Variants in EFCAB13 observed in about 807,000 individuals in gnomAD.
The protein encoded by EFCAB13 is EF-hand calcium binding domain 13.
A neutral mutation model predicts 110.2 loss-of-function variants in EFCAB13; 91 were observed. The ratio of observed to expected loss-of-function variants is 0.83; its 90% CI spans 0.70 to 0.98. The LOEUF (loss-of-function observed/expected upper bound fraction) is 0.98. EFCAB13 is among the 50% of genes least tolerant of loss of function. EFCAB13 has a pLI of 0.00. For synonymous variants in EFCAB13, 323 were observed against 369.9 expected (o/e 0.87, Z 1.45); for missense variants, 968 against 1,119.4 (o/e 0.86, Z 1.93).
chr17:47,335,480 G>T, intron 5 of EFCAB13, 124 bp downstream of exon 5: 1 of 734,356 alleles, frequency 1.4e-6, no homozygotes, highest in Non-Finnish European at 2.0e-6. Flanking sequence ...GCATATTTGT[G>T]GTCATTCTTT....
Position 47,428,215 on chromosome 17 carries a change from G to C in EFCAB13, c.2495-1603G>C, listed in dbSNP as rs182890188. On this transcript the variant is annotated intron_variant, in intron 23 of 24. Transcript: ENST00000331493. ...CAGTTTTATGTACTTTAGATGTTCT[G>C]ATTTGGATTGTTTCTCCCCTACACC... 3.3e-5 allele frequency among the ~76,000 whole-genome samples: 5 copies of C among 152,044 alleles called. No homozygotes were observed. In the East Asian group the frequency reaches 9.7e-4, roughly 29 times the overall value.
At chr17:47,413,507 G>A (rs1165174850) in intron 22 of EFCAB13, among the ~76,000 whole-genome samples, 1 of 151,926 alleles carries the variant, frequency 6.6e-6, no homozygotes, top group Non-Finnish European at 1.5e-5. Flanking sequence ...TTTTATTTTG[G>A]GCTTATCTTA....
intron 9 of EFCAB13, among the ~76,000 whole-genome samples, chr17:47,358,943 G>T (rs1422743292): frequency 6.6e-6 from 1 of 152,160 alleles, no homozygotes; most frequent in Non-Finnish European, 1.5e-5. Context: ...GAAACAAGTT[G>T]GTTCTGATAA....
Position 47,347,720 on chromosome 17 carries a change from A to G in EFCAB13, c.518-88A>G, listed in dbSNP as rs2065425442. On this transcript the variant is annotated intron_variant, in intron 8 of 24. Transcript: ENST00000331493. ...GAAAACACAGATTGGCTCCCTTTTT[A>G]GTGATTATTATTTTTTTGAGAGTGG... The G allele has an allele frequency of 3.8e-6, 4 of 1,056,630 alleles. No individual in the cohort carries two copies. The African/African-American group carries it at 4.9e-5, about 13-fold the overall frequency. The allele number at this position is 1,056,630 out of a possible 1,614,324, so 65.5% of individuals were successfully genotyped here. A position where few individuals can be genotyped will look rare whatever the true frequency, so the allele number is the denominator to read the frequency against.
intron 9 of EFCAB13, among the ~76,000 whole-genome samples, chr17:47,351,308 C>CGTGTGT (rs1277743561): frequency 7.5e-6 from 1 of 133,798 alleles, no homozygotes; most frequent in Middle Eastern, 3.7e-3. Context: ...TGTGTGTGCG[C>CGTGTGT]GCGCGCGCGC....
At chr17:47,346,443 C>CA (rs974395040) in intron 8 of EFCAB13, among the ~76,000 whole-genome samples, 1 of 140,426 alleles carries the variant, frequency 7.1e-6, no homozygotes, top group African/African-American at 2.6e-5. Context: ...ACCCCCCCCC[C>CA]CATTTATCTG....
intron 22 of EFCAB13, among the ~76,000 whole-genome samples, chr17:47,414,481 C>G (rs1443510226): frequency 1.3e-5 from 2 of 150,536 alleles, no homozygotes; most frequent in African/African-American, 4.9e-5. Context: ...CCACTGCACT[C>G]CAGCCTGGGC....
At chr17:47,423,899 G>C (rs939589770) in intron 23 of EFCAB13, among the ~76,000 whole-genome samples, 1 of 151,954 alleles carries the variant, frequency 6.6e-6, no homozygotes, top group Non-Finnish European at 1.5e-5. Context: ...GCTCCGGGAC[G>C]AGCTGCTGTT....
intron 11 of EFCAB13, 31 bp from the exon 12 acceptor site, chr17:47,374,441 A>G (rs751422331): frequency 7.0e-7 from 1 of 1,420,410 alleles, no homozygotes; most frequent in Non-Finnish European, 9.4e-7. Context: ...TATACAGGTA[A>G]ATGAAATAAT....
At chr17:47,399,328 C>T (rs1440775663) in intron 17 of EFCAB13, among the ~76,000 whole-genome samples, 1 of 152,172 alleles carries the variant, frequency 6.6e-6, no homozygotes, top group Non-Finnish European at 1.5e-5. Context: ...CGCCATTTGT[C>T]ATATCATTTC....
At chr17:47,337,338 A>G (rs1254722280) in intron 5 of EFCAB13, among the ~76,000 whole-genome samples, 1 of 152,202 alleles carries the variant, frequency 6.6e-6, no homozygotes, top group East Asian at 1.9e-4. Context: ...GGACATACAG[A>G]GTAGAATAAT....
intron 8 of EFCAB13, among the ~76,000 whole-genome samples, chr17:47,346,139 A>G (rs2065414456): frequency 2.0e-5 from 3 of 152,106 alleles, no homozygotes; most frequent in African/African-American, 7.2e-5. Context: ...ATTGTACAGT[A>G]TTTCTATAGA....
At chr17:47,408,160 C>A (rs1332356958) in intron 20 of EFCAB13, among the ~76,000 whole-genome samples, 1 of 152,140 alleles carries the variant, frequency 6.6e-6, no homozygotes, top group Non-Finnish European at 1.5e-5. Flanking sequence ...GGATGAAAGG[C>A]CCTTTGAGAA....
At position 47,341,998 on chromosome 17, in the gene EFCAB13, G is replaced by A. The variant is rs373155023; in HGVS notation, c.269G>A (p.Ser90Asn). The A allele has an allele frequency of 1.2e-6, 2 of 1,601,214 alleles. No individual in the cohort carries two copies. Among genetic ancestry groups the A allele is most frequent in the African/African-American group, 1.3e-5 (1 of 74,206 alleles). ...FSGEKKVGRK[S>N]LQVQQHSKRT... ...GGAGAAAAAAAAGTTGGGAGAAAGA[G>A]TTTACAAGTACAACAGCACAGTAAA... The change falls in exon 6 of 25, where the codon AGT (serine) becomes AAT (asparagine). Residue 90 changes from serine to asparagine, a missense_variant. By Grantham distance (46) the Ser-to-Asn change is conservative (BLOSUM62 1). Transcript: ENST00000331493.
intron 9 of EFCAB13, among the ~76,000 whole-genome samples, chr17:47,350,026 G>A (rs1044354689): frequency 5.3e-5 from 8 of 151,682 alleles, no homozygotes; most frequent in East Asian, 1.9e-4. Context: ...CACCCGCCTC[G>A]GCCTCCCAAA....
In EFCAB13 at chr17:47,329,355, A is replaced by C. The variant is rs577381294; in HGVS notation, c.30+972A>C. On this transcript the variant is annotated intron_variant, in intron 4 of 24. Coordinates refer to ENST00000331493, the MANE Select transcript of EFCAB13 (RefSeq NM_152347.5). ...GTTTAGGGCTCAAGTGAAATTCAGC[A>C]TTGTCAATTGAGAGTCCTAATCTTT... Among the ~76,000 whole-genome samples the C allele has an allele frequency of 7.2e-5, 11 of 152,156 alleles. No individual in the cohort carries two copies. In the East Asian group the frequency reaches 2.1e-3, roughly 29 times the overall value.
intron 23 of EFCAB13, among the ~76,000 whole-genome samples, chr17:47,425,577 T>C (rs1456248783): frequency 6.6e-6 from 1 of 152,208 alleles, no homozygotes; most frequent in Non-Finnish European, 1.5e-5. Flanking sequence ...TAACCACACT[T>C]ACCACTTGCA....
intron 24 of EFCAB13, among the ~76,000 whole-genome samples, chr17:47,438,172 G>A (rs375455693): frequency 7.2e-5 from 11 of 152,246 alleles, no homozygotes; most frequent in African/African-American, 2.2e-4. Flanking sequence ...ATAGGTTTTC[G>A]TTTACAGGTT....
chr17:47,389,284 G>A (rs889128941), intron 14 of EFCAB13, among the ~76,000 whole-genome samples: 1 of 152,056 alleles, frequency 6.6e-6, no homozygotes, highest in East Asian at 1.9e-4. Context: ...GCAATTCCCC[G>A]CTTGGCCTCT....
Sources: gnomAD v4.1 joint callset for allele counts (sites outside exome capture counted in the v4.1 genomes callset) on GRCh38, gnomAD v4.1.1 for gene constraint, MANE v1.5 for transcripts, NCBI Gene and HGNC (gene_info 2026-07-23, HGNC 2026-07-21) for gene names.